The following ALK variants were observed in gnomAD, a reference collection of about 807,000 sequenced individuals.
ALK encodes ALK receptor tyrosine kinase.
In ALK, 74 loss-of-function variants were observed where a neutral mutation model predicts 163.1. That is an observed-to-expected ratio of 0.45 (90% confidence interval 0.38 to 0.55). ALK has a LOEUF of 0.55. Among genes scored for constraint, ALK ranks in the 20% least tolerant of loss-of-function variants. The pLI, the probability that ALK is intolerant of heterozygous loss-of-function variation, is 0.00. For synonymous variants in ALK, 960 were observed against 843.2 expected, an observed-to-expected ratio of 1.14 and a Z score of -2.40; for missense variants, 2,063 against 2,105.3, an observed-to-expected ratio of 0.98 and a Z score of 0.39.
At chr2:29,727,147 A>C (rs1404054607) in intron 1 of ALK, among the ~76,000 whole-genome samples, 3 of 152,198 alleles carry the variant, frequency 2.0e-5, no homozygotes, top group Non-Finnish European at 2.9e-5. Context: ...GTGGGGTCTC[A>C]GGCTCAGCCA....
chr2:29,372,440 G>T (rs1351652974), intron 5 of ALK, among the ~76,000 whole-genome samples: 1 of 152,196 alleles, frequency 6.6e-6, no homozygotes, highest in Non-Finnish European at 1.5e-5. Flanking sequence ...TGTATCAATT[G>T]TTAGTTAATG....
intron 3 of ALK, among the ~76,000 whole-genome samples, chr2:29,656,831 T>C (rs922786385): frequency 6.6e-6 from 1 of 152,172 alleles, no homozygotes; most frequent in East Asian, 1.9e-4. Context: ...GACTTCTTTA[T>C]CCTTGCTCCT....
At chr2:29,673,890 T>A (rs909669651) in intron 3 of ALK, among the ~76,000 whole-genome samples, 17 of 151,190 alleles carry the variant, frequency 1.1e-4, no homozygotes, top group African/African-American at 4.2e-4. Flanking sequence ...AAGAGTTCCT[T>A]CACATCCCTT....
rs1430381834 is a variant in ALK at position 29,296,976 on chromosome 2, G to T, written c.1729C>A (p.Gln577Lys). The T allele has an allele frequency of 8.7e-6, 14 of 1,614,090 alleles. No homozygotes were observed. Among genetic ancestry groups the T allele is most frequent in the Non-Finnish European group, 1.1e-5 (13 of 1,180,038 alleles). ...VLVENKTGKEQGRMVWHVAAY... is the reference protein window; with the variant it reads ...VLVENKTGKEKGRMVWHVAAY... ...GCGACATGCCAGACCATCCTGCCTTGCTCCTTCCCGGTTTTGTTCTCCACT... is the reference window on the plus strand; with the variant it reads ...GCGACATGCCAGACCATCCTGCCTTTCTCCTTCCCGGTTTTGTTCTCCACT... The change falls in exon 9 of 29, where the codon CAA (glutamine) becomes AAA (lysine). Residue 577 changes from glutamine to lysine, a missense_variant. Gln to Lys is a moderately conservative substitution (Grantham distance 53, BLOSUM62 1). This residue lies in a region of ALK where 987 missense variants were observed against 939.5 expected (regional missense o/e 1.05). Coordinates refer to ENST00000389048, the MANE Select transcript of ALK (RefSeq NM_004304.5).
intron 1 of ALK, among the ~76,000 whole-genome samples, chr2:29,760,021 C>T (rs1482829227): frequency 6.6e-6 from 1 of 152,174 alleles, no homozygotes; most frequent in African/African-American, 2.4e-5. Flanking sequence ...CTATCATTCT[C>T]ACAGAGGTAA....
intron 3 of ALK, among the ~76,000 whole-genome samples, chr2:29,665,612 C>T (rs1419098607): frequency 6.6e-6 from 1 of 151,832 alleles, no homozygotes; most frequent in African/African-American, 2.4e-5. Context: ...TGAAAGGGGG[C>T]CTATGCAGGA....
At chr2:29,384,100 G>A (rs146214334) in intron 4 of ALK, among the ~76,000 whole-genome samples, 1 of 152,240 alleles carries the variant, frequency 6.6e-6, no homozygotes, top group East Asian at 1.9e-4. Flanking sequence ...CTCACCACTG[G>A]CATTCCTTTT....
chr2:29,479,050 T>C (rs1170531752), intron 4 of ALK, among the ~76,000 whole-genome samples: 1 of 152,198 alleles, frequency 6.6e-6, no homozygotes, highest in Non-Finnish European at 1.5e-5. Flanking sequence ...TAGACTGGTA[T>C]GAAAGAAAGG....
rs151272204 is a variant in ALK, at chr2:29,455,380, A to C, written c.1155-71521T>G. 1.2e-3 allele frequency among the ~76,000 whole-genome samples: 179 copies of C among 152,292 alleles called. 1 individual carries two copies. Among genetic ancestry groups the C allele is most frequent in the African/African-American group, 3.8e-3 (159 of 41,568 alleles). On this transcript the variant is annotated intron_variant, in intron 4 of 28. Transcript: ENST00000389048. Reference sequence around the variant, plus strand: ...CCCTCTCCTACCCTGGGAGAGCAGCAAGGTGGGGCCTGTGGTCTGATCAGC... The same window carrying C: ...CCCTCTCCTACCCTGGGAGAGCAGCCAGGTGGGGCCTGTGGTCTGATCAGC...
At chr2:29,915,658 T>C (rs1667816129) in intron 1 of ALK, among the ~76,000 whole-genome samples, 2 of 152,214 alleles carry the variant, frequency 1.3e-5, no homozygotes, top group South Asian at 4.1e-4. Flanking sequence ...AATGGCAATA[T>C]AGATTCTCAA....
intron 1 of ALK, among the ~76,000 whole-genome samples, chr2:29,799,918 C>T (rs1055983892): frequency 4.6e-5 from 7 of 152,198 alleles, no homozygotes; most frequent in African/African-American, 1.2e-4. Context: ...TCCTTGCATT[C>T]ATCTATTCAT....
rs555304942 is a variant in ALK at position 29,433,789 on chromosome 2, A to G, written c.1155-49930T>C. 2.2e-4 allele frequency among the ~76,000 whole-genome samples: 34 copies of G among 152,356 alleles called. No homozygotes were observed. The South Asian group carries it at 7.0e-3, about 32-fold the overall frequency. On this transcript the variant is annotated intron_variant, in intron 4 of 28. Coordinates refer to ENST00000389048, the MANE Select transcript of ALK (RefSeq NM_004304.5). ...TGGAAGGAAAATGGAATCTATGGGT[A>G]TGGGTATACCCAGACTATAATAGGA... is the stretch of plus-strand genomic sequence containing the variant.
intron 3 of ALK, among the ~76,000 whole-genome samples, chr2:29,646,510 T>G (rs10182321): frequency 0.1 from 15,708 of 152,082 alleles, 1,484 homozygotes; most frequent in African/African-American, 0.25. Context: ...TCTCTAAGAG[T>G]ATAAGCCAAA....
chr2:29,346,584 C>T (rs1667955314), intron 5 of ALK, among the ~76,000 whole-genome samples: 1 of 152,262 alleles, frequency 6.6e-6, no homozygotes. Context: ...CAAATTGCTA[C>T]TTCGTTTCAC....
chr2:29,842,490 A>G (rs1468811373), intron 1 of ALK, among the ~76,000 whole-genome samples: 1 of 152,198 alleles, frequency 6.6e-6, no homozygotes, highest in Non-Finnish European at 1.5e-5. Context: ...CCCACTTGAC[A>G]ATGAACTTTC....
At chr2:29,837,273 G>C (rs1665587180) in intron 1 of ALK, among the ~76,000 whole-genome samples, 2 of 152,168 alleles carry the variant, frequency 1.3e-5, no homozygotes, top group South Asian at 4.1e-4. Flanking sequence ...GCCAAAACAT[G>C]GTCTTGCTGA....
intron 4 of ALK, among the ~76,000 whole-genome samples, chr2:29,424,114 A>G (rs1051251710): frequency 1.3e-5 from 2 of 152,238 alleles, no homozygotes; most frequent in African/African-American, 4.8e-5. Context: ...AAAGAGAAAG[A>G]GAGAAAGGTA....
chr2:29,637,865 T>C (rs921162024), intron 3 of ALK, among the ~76,000 whole-genome samples: 1 of 152,184 alleles, frequency 6.6e-6, no homozygotes, highest in African/African-American at 2.4e-5. Flanking sequence ...TATATTATTT[T>C]ATAACTGTAT....
chr2:29,401,816 C>A (rs555088999), intron 4 of ALK, among the ~76,000 whole-genome samples: 18 of 152,072 alleles, frequency 1.2e-4, no homozygotes, highest in African/African-American at 4.3e-4. Flanking sequence ...TCTAAGAGAG[C>A]GATTAAAAGG....
Sources: allele counts gnomAD v4.1 joint callset (sites outside exome capture counted in the v4.1 genomes callset), GRCh38; gene constraint gnomAD v4.1.1; regional missense constraint gnomAD v4.1.1; transcripts MANE v1.5; gene names NCBI Gene and HGNC (gene_info 2026-07-23, HGNC 2026-07-21).